The following PDXK variants were observed in gnomAD, a reference collection of about 807,000 sequenced individuals.
PDXK encodes epididymis secretory sperm binding protein Li 1a.
PDXK carries 15 observed loss-of-function variants against 43.2 expected under a neutral mutation model. The ratio of observed to expected loss-of-function variants is 0.35; its 90% CI spans 0.23 to 0.53. The LOEUF is 0.53. PDXK is among the 20% of genes least tolerant of loss of function. The pLI, the probability that PDXK is intolerant of heterozygous loss-of-function variation, is 0.92. For synonymous variants in PDXK, 172 were observed against 165.4 expected, an observed-to-expected ratio of 1.04 and a Z score of -0.31; for missense variants, 343 against 417.0, an observed-to-expected ratio of 0.82 and a Z score of 1.54.
At chr21:43,742,817 A>G (rs978476181) in intron 3 of PDXK, among the ~76,000 whole-genome samples, 1 of 152,160 alleles carries the variant, frequency 6.6e-6, no homozygotes, top group African/African-American at 2.4e-5. Flanking sequence ...GCAGTGAGCT[A>G]TGGTTGAACC....
chr21:43,737,742 G>A lies in PDXK; in HGVS notation c.142+3619G>A. 1 of 961,642 alleles carries A rather than the reference G, an allele frequency of 1.0e-6. No homozygotes were observed. The highest frequency in any genetic ancestry group is 4.9e-5 in the South Asian group (1 of 20,500). 59.6% of individuals were successfully genotyped at this position (961,642 alleles called of 1,614,324 possible). ...GAGCCTGCCGACGGACACCAGCGAG[G>A]GGCCAGGCCGGGCCAGACTCCCTGG... On this transcript the variant is annotated intron_variant, in intron 2 of 10. Coordinates refer to ENST00000291565, the MANE Select transcript of PDXK (RefSeq NM_003681.5). The surrounding 1 kb of genome is among the most constrained non-coding windows in gnomAD (Gnocchi z 4.8).
intron 1 of PDXK, chr21:43,719,586 C>CCCCTGCGGGTGGGACGGGT (rs1366508514): frequency 1.0e-6 from 1 of 983,058 alleles, no homozygotes; most frequent in Admixed American, 6.2e-5. Context: ...GCTCTGCGGG[C>CCCCTGCGGGTGGGACGGGT]CCCTGCGGGT....
intron 2 of PDXK, chr21:43,736,883 C>G: frequency 1.4e-6 from 1 of 698,316 alleles, no homozygotes; most frequent in African/African-American, 1.7e-5. Context: ...ATCCTGCCCC[C>G]TCAGCCTCCC....
chr21:43,743,205 TC>T (rs2083571289), intron 3 of PDXK, among the ~76,000 whole-genome samples: 1 of 61,630 alleles, frequency 1.6e-5, no homozygotes, highest in Non-Finnish European at 3.1e-5. Flanking sequence ...TGCATCCACC[TC>T]CCTCCCCCCG....
Position 43,753,633 on chromosome 21 carries a change from A to G in PDXK, c.673A>G (p.Lys225Glu). Residue 225 changes from lysine to glutamate, a missense_variant, in exon 9 of 11, where the codon AAA becomes GAA. Transcript: ENST00000291565. The part of the protein sequence containing the change: ...VMERIRMDIR[K>E]VDAVFVGTGD... ...GGAACGCATCCGGATGGACATTCGC[A>G]AAGTGGACGCCGTCTTTGTGGGCAC... 1 of 1,613,610 alleles carries G rather than the reference A, an allele frequency of 6.2e-7. No individual in the cohort carries two copies. The highest frequency in any genetic ancestry group is 8.5e-7 in the Non-Finnish European group (1 of 1,179,732).
chr21:43,746,055 T>G, intron 4 of PDXK, 24 bp from the exon 5 acceptor site: 1 of 1,603,658 alleles, frequency 6.2e-7, no homozygotes, highest in East Asian at 2.2e-5. Flanking sequence ...CCTTTGCTGA[T>G]AAGATGCCCT....
chr21:43,745,884 C>A, intron 4 of PDXK, 195 bp from the exon 5 acceptor site: 1 of 611,012 alleles, frequency 1.6e-6, no homozygotes, highest in Non-Finnish European at 3.0e-6. Context: ...GTGGTCTCAG[C>A]CACTTGGGAG....
chr21:43,735,626 T>C lies in PDXK; in HGVS notation c.142+1503T>C, dbSNP rs2083388390. The stretch of plus-strand genomic sequence containing the variant: ...CCCATGGGGTCCAGCCTGTGGTTCC[T>C]GGGAGCCCCCACTCCAGCCTCCTCC... On this transcript the variant is annotated intron_variant, in intron 2 of 10. Coordinates refer to ENST00000291565, the MANE Select transcript of PDXK (RefSeq NM_003681.5). The surrounding 1 kb of genome is among the most constrained non-coding windows in gnomAD (Gnocchi z 5.3). Among the ~76,000 whole-genome samples, 1 of 152,140 alleles carries C rather than the reference T, an allele frequency of 6.6e-6. No homozygotes were observed. The highest frequency in any genetic ancestry group is 1.5e-5 in the Non-Finnish European group (1 of 67,998).
rs758781452 is a variant in PDXK at position 43,734,160 on chromosome 21, C to G, written c.142+37C>G. ...GCTCCAGCAGCTGGCATAGAGCAGA[C>G]TGTGGGTGTGAGGGACGGGGCGGAG... On this transcript the variant is annotated intron_variant, in intron 2 of 10. Coordinates refer to ENST00000291565, the MANE Select transcript of PDXK (RefSeq NM_003681.5). The surrounding 1 kb of genome is among the most constrained non-coding windows in gnomAD (Gnocchi z 5.0). The G allele has an allele frequency of 6.3e-7, 1 of 1,589,190 alleles. No individual in the cohort carries two copies. The highest frequency in any genetic ancestry group is 8.6e-7 in the Non-Finnish European group (1 of 1,159,234).
chr21:43,741,604 G>A (rs185507454), intron 2 of PDXK, 63 bp from the exon 3 acceptor site: 41 of 1,588,318 alleles, frequency 2.6e-5, no homozygotes, highest in Non-Finnish European at 3.3e-5. Flanking sequence ...GGGTGTCAAG[G>A]GAAGCCCACG....
Position 43,732,232 on chromosome 21 carries a change from A to T in PDXK, c.88-1837A>T. 6.9e-7 allele frequency: 1 copy of T among 1,459,626 alleles called. No individual in the cohort carries two copies. The highest frequency in any genetic ancestry group is 9.0e-7 in the Non-Finnish European group (1 of 1,111,026). The allele number at this position is 1,459,626 out of a possible 1,614,324, so 90.4% of individuals were successfully genotyped here. A position where few individuals can be genotyped will look rare whatever the true frequency, so the allele number is the denominator to read the frequency against. ...CAATTCCAGAGGCATGGTCCGGCAC[A>T]GAGCGCTGGCTTCCAGCTGAAGGAC... On this transcript the variant is annotated intron_variant, in intron 1 of 10. Coordinates refer to ENST00000291565, the MANE Select transcript of PDXK (RefSeq NM_003681.5). This position sits in a 1 kb window ranked among gnomAD's most constrained non-coding sequence, Gnocchi z 4.1.
intron 1 of PDXK, among the ~76,000 whole-genome samples, chr21:43,728,230 G>A (rs2083273389): frequency 6.6e-6 from 1 of 152,316 alleles, no homozygotes; most frequent in African/African-American, 2.4e-5. Context: ...CATGGTTGAT[G>A]TGGATCATAG....
chr21:43,744,191 C>T (rs1295847313), intron 4 of PDXK, among the ~76,000 whole-genome samples: 1 of 145,800 alleles, frequency 6.9e-6, no homozygotes, highest in South Asian at 2.2e-4. Context: ...TGGGGGAGGG[C>T]AGGGTCATAC....
chr21:43,720,273 C>T (rs1256249142), intron 1 of PDXK, among the ~76,000 whole-genome samples: 1 of 152,176 alleles, frequency 6.6e-6, no homozygotes, highest in African/African-American at 2.4e-5. Context: ...TCCTGTGCTG[C>T]CCACCTGCGG....
rs1378495738 is a variant in PDXK, at chr21:43,759,481, C to T, written c.*3418C>T. On this transcript the variant is annotated 3_prime_UTR_variant, in exon 11 of 11. Transcript: ENST00000291565. ...CAGCAGTGTCCATGTTTATGGAGAT[C>T]AGAGGTGTCCCCACTGTGTGGCTGG... The T allele has an allele frequency of 1.3e-5, 2 of 153,774 alleles. No homozygotes were observed. Among genetic ancestry groups the T allele is most frequent in the Non-Finnish European group, 2.9e-5 (2 of 68,072 alleles). The allele number at this position is 153,774 out of a possible 1,614,324, so 9.5% of individuals were successfully genotyped here. A position where few individuals can be genotyped will look rare whatever the true frequency, so the allele number is the denominator to read the frequency against.
chr21:43,756,408 T>G lies in PDXK; in HGVS notation c.*345T>G. ...TGCGTGTGGAGCCTCGAGTGGGCCC[T>G]GGCTGCCACTACCGTACAGAGGCCG... On this transcript the variant is annotated 3_prime_UTR_variant, in exon 11 of 11. Transcript: ENST00000291565. 3.9e-6 allele frequency: 1 copy of G among 259,148 alleles called. No homozygotes were observed. The allele number at this position is 259,148 out of a possible 1,614,324, so 16.1% of individuals were successfully genotyped here.
intron 7 of PDXK, among the ~76,000 whole-genome samples, 184 bp downstream of exon 7, chr21:43,750,729 G>A (rs1227727023): frequency 7.9e-6 from 1 of 127,368 alleles, no homozygotes; most frequent in African/African-American, 3.3e-5. Flanking sequence ...GGACATGTTT[G>A]TGCATGTGTG....
intron 5 of PDXK, among the ~76,000 whole-genome samples, chr21:43,747,515 T>C (rs1215462262): frequency 6.6e-6 from 1 of 152,170 alleles, no homozygotes; most frequent in Non-Finnish European, 1.5e-5. Flanking sequence ...TCTAACTGGG[T>C]GGGGCGGGCT....
At chr21:43,725,362 A>T (rs2083243844) in intron 1 of PDXK, among the ~76,000 whole-genome samples, 1 of 152,124 alleles carries the variant, frequency 6.6e-6, no homozygotes, top group Non-Finnish European at 1.5e-5. Context: ...AAAAATCTTT[A>T]CATTTTTTCT....
Sources: gnomAD v4.1 joint callset for allele counts (sites outside exome capture counted in the v4.1 genomes callset) on GRCh38, gnomAD v4.1.1 for gene constraint, Gnocchi (gnomAD v3.1) non-coding constraint, MANE v1.5 for transcripts, NCBI Gene and HGNC (gene_info 2026-07-23, HGNC 2026-07-21) for gene names.